Variants in TDRD6 observed in about 807,000 individuals in gnomAD.
TDRD6 encodes the protein tudor domain containing 6.
Under a neutral mutation model 157.5 loss-of-function variants are expected in TDRD6, and 186 were observed. The observed-to-expected ratio is 1.18, with a 90% CI of 1.05 to 1.33. TDRD6 has a LOEUF of 1.33. Ranked by LOEUF, TDRD6 falls within the 40% of genes most tolerant of loss-of-function variation. The probability of loss-of-function intolerance (pLI) is 0.00; values close to 1 mark genes in which losing one functional copy is unlikely to be tolerated. For missense variants in TDRD6, 3,066 were observed against 2,508.0 expected, an observed-to-expected ratio of 1.22 and a Z score of -4.75; for synonymous variants, 1,075 against 945.2, an observed-to-expected ratio of 1.14 and a Z score of -2.52.
chr6:46,692,642 T>C lies in TDRD6; in HGVS notation c.4514T>C (p.Ile1505Thr). ...TCAAAGTCTGTTAACAAATCAGACA[T>C]TGACACTTCAGTATTTCTTAACTGG... Reference protein sequence around the residue: ...ASSKSVNKSDIDTSVFLNWYN... With the variant: ...ASSKSVNKSDTDTSVFLNWYN... The change falls in exon 1 of 4, where the codon ATT becomes ACT. Residue 1505 changes from isoleucine (I) to threonine (T), a missense_variant. Ile to Thr is a moderately conservative substitution (Grantham distance 89). Coordinates refer to ENST00000316081, the MANE Select transcript of TDRD6 (RefSeq NM_001010870.3). 1 of 1,613,458 alleles carries C rather than the reference T, an allele frequency of 6.2e-7. No individual in the cohort carries two copies. The highest frequency in any genetic ancestry group is 8.5e-7 in the Non-Finnish European group (1 of 1,179,818).
At chr6:46,684,574 A>C (rs1433652541), upstream of TDRD6, among the ~76,000 whole-genome samples, 2 of 152,142 alleles carry the variant, frequency 1.3e-5, no homozygotes, top group Non-Finnish European at 2.9e-5. Context: ...TAATTTTATT[A>C]ATCTAAGAAT....
At chr6:46,701,725 A>G in intron 3 of TDRD6, 133 bp from the exon 4 acceptor site, 1 of 733,520 alleles carries the variant, frequency 1.4e-6, no homozygotes, top group Non-Finnish European at 2.2e-6. Flanking sequence ...AATGCCCTAT[A>G]GTAATTAGAA....
In TDRD6 at chr6:46,688,898, C is replaced by G. The variant is rs1053297975; in HGVS notation, c.770C>G (p.Thr257Ser). 6.2e-7 allele frequency: 1 copy of G among 1,607,208 alleles called. No individual in the cohort carries two copies. Among genetic ancestry groups the G allele is most frequent in the African/African-American group, 1.3e-5 (1 of 74,822 alleles). Residue 257 changes from threonine (T) to serine (S), a missense_variant, in exon 1 of 4, where the codon ACC (threonine) becomes AGC (serine). Thr to Ser is a moderately conservative substitution (Grantham distance 58). Transcript: ENST00000316081. ...QLGVTEAVVITQVCHPHRIHC... is the reference protein window; with the variant it reads ...QLGVTEAVVISQVCHPHRIHC... The stretch of plus-strand genomic sequence containing the variant: ...GGCGTGACGGAGGCCGTGGTCATAA[C>G]CCAAGTGTGCCATCCCCACCGCATT...
upstream of TDRD6, among the ~76,000 whole-genome samples, chr6:46,686,126 G>A (rs1764087534): frequency 6.6e-6 from 1 of 152,190 alleles, no homozygotes; most frequent in Non-Finnish European, 1.5e-5. Context: ...AAGGAGGTTG[G>A]AGGACAAATG....
At chr6:46,686,126 G>T (rs1764087534), upstream of TDRD6, among the ~76,000 whole-genome samples, 1 of 152,190 alleles carries the variant, frequency 6.6e-6, no homozygotes, top group South Asian at 2.1e-4. Context: ...AAGGAGGTTG[G>T]AGGACAAATG....
At chr6:46,698,950 G>T (rs1249623659) in intron 3 of TDRD6, among the ~76,000 whole-genome samples, 1 of 152,168 alleles carries the variant, frequency 6.6e-6, no homozygotes, top group Non-Finnish European at 1.5e-5. Context: ...AGCCTTTGTT[G>T]TTCAGGTCTT....
chr6:46,691,041 G>A lies in TDRD6; in HGVS notation c.2913G>A (p.Gln971=). The change falls in exon 1 of 4, where the codon CAG becomes CAA. Residue 971 remains glutamine, a synonymous_variant. Coordinates refer to ENST00000316081, the MANE Select transcript of TDRD6 (RefSeq NM_001010870.3). ...AGAAGCCTTTGGAGTCCTCTGTTCA[G>A]CTACATTCCTACTTCTATTCTACAC... ...KLQKPLESSV[Q]LHSYFYSTHD... 1 of 1,613,616 alleles carries A rather than the reference G, an allele frequency of 6.2e-7. No individual in the cohort carries two copies. The highest frequency in any genetic ancestry group is 8.5e-7 in the Non-Finnish European group (1 of 1,179,844).
chr6:46,698,177 T>G, intron 3 of TDRD6, 90 bp downstream of exon 3: 2 of 886,560 alleles, frequency 2.3e-6, no homozygotes, highest in Non-Finnish European at 1.7e-6. Context: ...TCCTTGTGTT[T>G]GGAAAAATGG....
At position 46,691,390 on chromosome 6, in the gene TDRD6, G is replaced by A. The variant is rs777961320; in HGVS notation, c.3262G>A (p.Val1088Ile). The stretch of plus-strand genomic sequence containing the variant: ...TCCAATACCTAGTGATGCATATGAT[G>A]TCTTACTTTTGCCCATGCAAGCTGT... ...LLPIPSDAYD[V>I]LLLPMQAVRC... The change falls in exon 1 of 4, where the codon GTC (valine) becomes ATC (isoleucine). Residue 1088 changes from valine (V) to isoleucine (I), a missense_variant. Coordinates refer to ENST00000316081, the MANE Select transcript of TDRD6 (RefSeq NM_001010870.3). 6.2e-7 allele frequency: 1 copy of A among 1,614,000 alleles called. No individual in the cohort carries two copies. The highest frequency in any genetic ancestry group is 1.1e-5 in the South Asian group (1 of 91,060).
Position 46,691,951 on chromosome 6 carries a change from A to G in TDRD6, c.3823A>G (p.Thr1275Ala), listed in dbSNP as rs1198980913. ...TPLKTARVEA[T>A]LSERKIGDSC... ...CTTGAAAACAGCAAGAGTAGAAGCT[A>G]CTCTTTCAGAGAGAAAAATAGGAGA... Residue 1275 changes from threonine (T) to alanine (A), a missense_variant, in exon 1 of 4, where the codon ACT becomes GCT. Thr to Ala is a moderately conservative substitution (Grantham distance 58, BLOSUM62 0). Transcript: ENST00000316081. 3.7e-6 allele frequency: 6 copies of G among 1,612,250 alleles called. No individual in the cohort carries two copies. In the African/African-American group the frequency reaches 4.0e-5, roughly 11 times the overall value.
chr6:46,695,549 A>T (rs925084647), intron 1 of TDRD6, among the ~76,000 whole-genome samples: 4 of 152,116 alleles, frequency 2.6e-5, no homozygotes, highest in African/African-American at 4.8e-5. Context: ...ACCATATTTT[A>T]TTAGCGATTT....
rs1024526595 is a variant in TDRD6, at chr6:46,690,000, G to A, written c.1872G>A (p.Val624=). The A allele has an allele frequency of 1.2e-6, 2 of 1,613,686 alleles. No individual in the cohort carries two copies. Among genetic ancestry groups the A allele is most frequent in the Admixed American group, 3.3e-5 (2 of 59,946 alleles). The change falls in exon 1 of 4, where the codon GTG becomes GTA. Residue 624 remains valine, a synonymous_variant. Coordinates refer to ENST00000316081, the MANE Select transcript of TDRD6 (RefSeq NM_001010870.3). ...QEAVSFFKKT[V]LHKELVIHIL... is the part of the protein sequence containing the mutation. Reference sequence around the variant, plus strand: ...CAGTTTCCTTTTTTAAAAAGACTGTGCTCCACAAAGAATTAGTCATCCATA... The same window carrying A: ...CAGTTTCCTTTTTTAAAAAGACTGTACTCCACAAAGAATTAGTCATCCATA...
Position 46,693,110 on chromosome 6 carries a change from A to T in TDRD6, c.4982A>T (p.Asp1661Val). 6.2e-7 allele frequency: 1 copy of T among 1,613,538 alleles called. No individual in the cohort carries two copies. The highest frequency in any genetic ancestry group is 2.2e-5 in the East Asian group (1 of 44,872). The change falls in exon 1 of 4, where the codon GAT (aspartate) becomes GTT (valine). Residue 1661 changes from aspartate to valine, a missense_variant. By Grantham distance (152) the Asp-to-Val change is radical. Coordinates refer to ENST00000316081, the MANE Select transcript of TDRD6 (RefSeq NM_001010870.3). ...TATTTCTATGAAATAATAACAGAAG[A>T]TGTGTTGGAAATAACAATACTAGAA... ...NDYFYEIITE[D>V]VLEITILEIR...
Position 46,691,217 on chromosome 6 carries a change from A to G in TDRD6, c.3089A>G (p.Lys1030Arg). 6.2e-7 allele frequency: 1 copy of G among 1,613,528 alleles called. No individual in the cohort carries two copies. The highest frequency in any genetic ancestry group is 1.3e-5 in the African/African-American group (1 of 74,970). ...TTAAGTAAAGTTTTGCTGAATTTAA[A>G]AACATCTCCCTTGAACCCTGGAACC... Reference protein sequence around the residue: ...TQLSKVLLNLKTSPLNPGTLC... With the variant: ...TQLSKVLLNLRTSPLNPGTLC... The change falls in exon 1 of 4, where the codon AAA becomes AGA. Residue 1030 changes from lysine to arginine, a missense_variant. Physicochemically the swap from Lys to Arg is conservative, Grantham distance 26 (BLOSUM62 2). Transcript: ENST00000316081.
Position 46,688,814 on chromosome 6 carries a change from G to C in TDRD6, c.686G>C (p.Arg229Pro). The C allele has an allele frequency of 1.2e-6, 2 of 1,611,996 alleles. No homozygotes were observed. The highest frequency in any genetic ancestry group is 1.7e-6 in the Non-Finnish European group (2 of 1,179,738). The change falls in exon 1 of 4, where the codon CGA becomes CCA. Residue 229 changes from arginine (R) to proline (P), a missense_variant. Coordinates refer to ENST00000316081, the MANE Select transcript of TDRD6 (RefSeq NM_001010870.3). ...SVGSGVPVLS[R>P]VPLKQKQPGL... ...GGCTCCGGGGTCCCGGTTCTCTCGC[G>C]AGTCCCGCTCAAGCAAAAGCAGCCT... is the stretch of plus-strand genomic sequence containing the variant.
chr6:46,687,197 G>A (rs1764118140), upstream of TDRD6, among the ~76,000 whole-genome samples: 1 of 152,128 alleles, frequency 6.6e-6, no homozygotes, highest in Admixed American at 6.5e-5. Flanking sequence ...GGGGCTTGAA[G>A]GAATGTTGAT....
rs373323437 is a variant in TDRD6 at position 46,689,124 on chromosome 6, T to C, written c.996T>C (p.Leu332=). The C allele has an allele frequency of 6.5e-5, 105 of 1,613,992 alleles. No individual in the cohort carries two copies. The highest frequency in any genetic ancestry group is 8.6e-5 in the Non-Finnish European group (101 of 1,180,028). Reference sequence around the variant, plus strand: ...GACATTGGTACAGAGCACTGTTGCTTGAGACTTTTCGGCCCCAGCGCTGTG... The same window carrying C: ...GACATTGGTACAGAGCACTGTTGCTCGAGACTTTTCGGCCCCAGCGCTGTG... ...LDGHWYRALL[L]ETFRPQRCAQ... is the part of the protein sequence containing the mutation. Residue 332 remains leucine, a synonymous_variant, in exon 1 of 4, where the codon CTT becomes CTC. Coordinates refer to ENST00000316081, the MANE Select transcript of TDRD6 (RefSeq NM_001010870.3).
rs377243726 is a variant in TDRD6, at chr6:46,688,800, C to T, written c.672C>T (p.Val224=). 84 of 1,610,800 alleles carry T rather than the reference C, an allele frequency of 5.2e-5. No homozygotes were observed. In the Middle Eastern group the frequency reaches 1.3e-3, roughly 25 times the overall value. ...TAATASVGSG[V]PVLSRVPLKQ... is the part of the protein sequence containing the mutation. ...CCACTGCTAGCGTGGGCTCCGGGGT[C>T]CCGGTTCTCTCGCGAGTCCCGCTCA... Residue 224 remains valine (V), a synonymous_variant, in exon 1 of 4, where the codon GTC becomes GTT. Transcript: ENST00000316081.
At position 46,693,465 on chromosome 6, in the gene TDRD6, G is replaced by A. The variant is rs1764404069; in HGVS notation, c.5337G>A (p.Gly1779=). ...CTAAAACTGATAACATTTGTGAAGG[G>A]TTTGAAAACCCCTGCAAAGATAAAA... ...RDPKTDNICE[G]FENPCKDKID... The change falls in exon 1 of 4, where the codon GGG becomes GGA. Residue 1779 remains glycine (G), a synonymous_variant. Coordinates refer to ENST00000316081, the MANE Select transcript of TDRD6 (RefSeq NM_001010870.3). The A allele has an allele frequency of 6.2e-7, 1 of 1,614,026 alleles. No individual in the cohort carries two copies. The highest frequency in any genetic ancestry group is 8.5e-7 in the Non-Finnish European group (1 of 1,180,008).
Sources: gnomAD v4.1 joint callset for allele counts (sites outside exome capture counted in the v4.1 genomes callset) on GRCh38, gnomAD v4.1.1 for gene constraint, MANE v1.5 for transcripts, NCBI Gene and HGNC (gene_info 2026-07-23, HGNC 2026-07-21) for gene names.